Variants in RSPH6A observed in about 807,000 individuals in gnomAD.
RSPH6A encodes the protein radial spoke head 6 homolog A, also known as radial spoke head protein 6 homolog A.
A neutral mutation model predicts 66.1 loss-of-function variants in RSPH6A; 49 were observed. That is an observed-to-expected ratio of 0.74 (90% CI 0.59 to 0.94). The LOEUF (loss-of-function observed/expected upper bound fraction) is 0.94, where lower values mean the gene tolerates loss of function less well. Among genes scored for constraint, RSPH6A ranks in the 40% least tolerant of loss-of-function variants. The pLI, the probability that RSPH6A is intolerant of heterozygous loss-of-function variation, is 0.00. For synonymous variants in RSPH6A, 419 were observed against 402.4 expected (o/e 1.04, Z -0.49); for missense variants, 977 against 948.3 (o/e 1.03, Z -0.40).
At chr19:45,800,046 C>T (rs1023721661) in intron 5 of RSPH6A, among the ~76,000 whole-genome samples, 5 of 152,112 alleles carry the variant, frequency 3.3e-5, no homozygotes, top group African/African-American at 1.2e-4. Context: ...AGCGAGACTC[C>T]ATCTCAAACA....
At chr19:45,799,787 CT>C (rs961959539) in intron 5 of RSPH6A, among the ~76,000 whole-genome samples, 1 of 152,136 alleles carries the variant, frequency 6.6e-6, no homozygotes, top group Admixed American at 6.6e-5. Context: ...TGGCTCATGC[CT>C]GTAATCCTAG....
chr19:45,814,563 T>C lies in RSPH6A; in HGVS notation c.614A>G (p.Tyr205Cys). 3 of 1,528,642 alleles carry C rather than the reference T, an allele frequency of 2.0e-6. No homozygotes were observed. Among genetic ancestry groups the C allele is most frequent in the Non-Finnish European group, 8.8e-7 (1 of 1,137,946 alleles). 94.7% of individuals were successfully genotyped at this position (1,528,642 alleles called of 1,614,324 possible). Residue 205 changes from tyrosine to cysteine, a missense_variant, in exon 1 of 6, where the codon TAC (tyrosine) becomes TGC (cysteine). Coordinates refer to ENST00000221538, the MANE Select transcript of RSPH6A (RefSeq NM_030785.4). Reference protein sequence around the residue: ...LELAVQNAKAYLLQTSINCDL... With the variant: ...LELAVQNAKACLLQTSINCDL... ...GCAATTGATGCTGGTCTGCAGCAGG[T>C]AGGCCTTGGCGTTCTGCACGGCCAG... is the stretch of plus-strand genomic sequence containing the variant.
rs1422846137 is a variant in RSPH6A at position 45,800,464 on chromosome 19, T to G, written c.1898A>C (p.Tyr633Ser). The change falls in exon 5 of 6, where the codon TAT becomes TCT. Residue 633 changes from tyrosine to serine, a missense_variant. Tyr to Ser is a moderately radical substitution (Grantham distance 144). Transcript: ENST00000221538. ...GACCTACTTGCCACTGGCATAGGCA[T>G]AGGCCCCGGGCCAGAGGTTGGAGCG... ...VVRSNLWPGA[Y>S]AYASGKKFEN... 6.2e-7 allele frequency: 1 copy of G among 1,612,900 alleles called. No homozygotes were observed. The highest frequency in any genetic ancestry group is 1.3e-5 in the African/African-American group (1 of 74,888).
chr19:45,795,755 T>C lies in RSPH6A; in HGVS notation c.*114A>G. ...ATTTGAAGCAGTTGCCTTCCTTTTC[T>C]ATCCCTGCCCTCTGGGGACAGGAAG... On this transcript the variant is annotated 3_prime_UTR_variant, in exon 6 of 6. Coordinates refer to ENST00000221538, the MANE Select transcript of RSPH6A (RefSeq NM_030785.4). The C allele has an allele frequency of 3.1e-6, 3 of 968,672 alleles. No individual in the cohort carries two copies. Among genetic ancestry groups the C allele is most frequent in the Non-Finnish European group, 4.6e-6 (3 of 653,272 alleles). The allele number at this position is 968,672 out of a possible 1,614,324, so 60.0% of individuals were successfully genotyped here.
Position 45,804,596 on chromosome 19 carries a change from GC to G in RSPH6A, c.1308del (p.Pro437HisfsTer14). 1 of 1,614,168 alleles carries G rather than the reference GC, an allele frequency of 6.2e-7. No homozygotes were observed. Among genetic ancestry groups the G allele is most frequent in the South Asian group, 1.1e-5 (1 of 91,084 alleles). On this transcript the variant is annotated frameshift_variant, in exon 3 of 6. Transcript: ENST00000221538. LOFTEE classifies it high-confidence loss of function. The surrounding 1 kb of genome is among the most constrained non-coding windows in gnomAD (Gnocchi z 5.8). ...YLYFVCNEPGLPWTRLPHVTP... is the reference protein window; with the variant it reads ...YLYFVCNEPGXPWTRLPHVTP... ...GTGACGTGGGGCAGCCGCGTCCATG[GC>G]AGGCCCGGCTCGTTGCACACAAAGT...
intron 1 of RSPH6A, 132 bp downstream of exon 1, chr19:45,814,395 G>T (rs140927319): frequency 9.6e-5 from 72 of 753,460 alleles, no homozygotes; most frequent in Non-Finnish European, 1.4e-4. Context: ...CATTGATTCC[G>T]ACTCAGCTGA....
intron 3 of RSPH6A, among the ~76,000 whole-genome samples, chr19:45,803,884 T>C (rs1970504599): frequency 6.6e-6 from 1 of 150,790 alleles, no homozygotes; most frequent in African/African-American, 2.4e-5. Flanking sequence ...TCCCAGCTAC[T>C]CAGGAGGCTG....
chr19:45,808,087 G>A (rs1251955698), intron 2 of RSPH6A, among the ~76,000 whole-genome samples: 1 of 152,188 alleles, frequency 6.6e-6, no homozygotes, highest in African/African-American at 2.4e-5. Flanking sequence ...GTAAAATAAG[G>A]TGTTAGTTTT....
intron 2 of RSPH6A, among the ~76,000 whole-genome samples, chr19:45,807,208 T>A (rs899645801): frequency 1.4e-4 from 21 of 151,264 alleles, no homozygotes; most frequent in African/African-American, 2.2e-4. Flanking sequence ...TATTATTTTT[T>A]AAAAATTATT....
At chr19:45,812,927 T>G (rs2146290565) in intron 1 of RSPH6A, among the ~76,000 whole-genome samples, 1 of 151,918 alleles carries the variant, frequency 6.6e-6, no homozygotes, top group East Asian at 1.9e-4. Context: ...AACTCCTGAC[T>G]TCGAGTTATC....
chr19:45,800,795 CTCTT>C (rs1970464261), intron 4 of RSPH6A, among the ~76,000 whole-genome samples: 1 of 136,646 alleles, frequency 7.3e-6, no homozygotes, highest in Admixed American at 7.2e-5. Flanking sequence ...CTCTCTCGCT[CTCTT>C]TTTTTTTTTT....
intron 5 of RSPH6A, among the ~76,000 whole-genome samples, chr19:45,797,561 G>A (rs1197548960): frequency 6.6e-6 from 1 of 151,634 alleles, no homozygotes; most frequent in Non-Finnish European, 1.5e-5. Flanking sequence ...TAGGTGCTGG[G>A]GACACAGCAG....
intron 2 of RSPH6A, among the ~76,000 whole-genome samples, chr19:45,807,376 C>T (rs776982216): frequency 1.8e-3 from 271 of 151,184 alleles, no homozygotes; most frequent in Non-Finnish European, 2.1e-3. Flanking sequence ...CCACCATGCC[C>T]GGCTAATTTT....
chr19:45,806,055 CAAA>C (rs1470704419), intron 2 of RSPH6A, among the ~76,000 whole-genome samples: 1 of 152,216 alleles, frequency 6.6e-6, no homozygotes, highest in African/African-American at 2.4e-5. Flanking sequence ...GCTCCTGTAA[CAAA>C]GAAGCCACTT....
chr19:45,813,795 G>A (rs1221022961), intron 1 of RSPH6A, among the ~76,000 whole-genome samples: 1 of 152,182 alleles, frequency 6.6e-6, no homozygotes, highest in Non-Finnish European at 1.5e-5. Context: ...TGAGAGCAGT[G>A]TTTTGTGACT....
chr19:45,813,392 G>A (rs1401967069), intron 1 of RSPH6A, among the ~76,000 whole-genome samples: 1 of 152,098 alleles, frequency 6.6e-6, no homozygotes, highest in Non-Finnish European at 1.5e-5. Flanking sequence ...TGCCCAGGCT[G>A]GAGTGCAGTG....
Position 45,814,877 on chromosome 19 carries a change from A to G in RSPH6A, c.300T>C (p.Pro100=), listed in dbSNP as rs140665203. The G allele has an allele frequency of 5.0e-5, 80 of 1,614,090 alleles. No homozygotes were observed. The African/African-American group carries it at 9.2e-4, about 19-fold the overall frequency. ...TCCTGCTTTCATCAGAGTAAGGCTG[A>G]GGCTGGAACTCTGAGGGAAAGCCCG... ...VNTGFPSEFQ[P]QPYSDESRMQ... Residue 100 remains proline (P), a synonymous_variant, in exon 1 of 6, where the codon CCT becomes CCC. Coordinates refer to ENST00000221538, the MANE Select transcript of RSPH6A (RefSeq NM_030785.4).
intron 5 of RSPH6A, among the ~76,000 whole-genome samples, chr19:45,798,775 G>T (rs1403167289): frequency 6.6e-6 from 1 of 151,214 alleles, no homozygotes; most frequent in African/African-American, 2.4e-5. Flanking sequence ...GGAGGCGGAG[G>T]TTGCAGTGAG....
At chr19:45,800,655 G>A (rs1334185069) in intron 4 of RSPH6A, 92 bp from the exon 5 acceptor site, 2 of 1,058,032 alleles carry the variant, frequency 1.9e-6, no homozygotes, top group African/African-American at 3.2e-5. Context: ...CAGCAGTGAG[G>A]GAGGCCTGGA....
Sources: gnomAD v4.1 joint callset for allele counts (sites outside exome capture counted in the v4.1 genomes callset) on GRCh38, gnomAD v4.1.1 for gene constraint, Gnocchi (gnomAD v3.1) non-coding constraint, MANE v1.5 for transcripts, NCBI Gene and HGNC (gene_info 2026-07-23, HGNC 2026-07-21) for gene names.